Variants in KIF16B observed in about 807,000 individuals in gnomAD.
The protein encoded by KIF16B is kinesin-like protein KIF16B.
In KIF16B, 98 loss-of-function variants were observed where a neutral mutation model predicts 156.3. The ratio of observed to expected loss-of-function variants is 0.63; its 90% CI spans 0.53 to 0.74. The LOEUF (loss-of-function observed/expected upper bound fraction) is 0.74, where lower values mean the gene tolerates loss of function less well. Ranked by LOEUF, KIF16B falls within the 30% of genes least tolerant of loss-of-function variation. The pLI, the probability that KIF16B is intolerant of heterozygous loss-of-function variation, is 0.00. For synonymous variants in KIF16B, 564 were observed against 583.7 expected (o/e 0.97, Z 0.49); for missense variants, 1,421 against 1,606.5 (o/e 0.88, Z 1.97).
At chr20:16,474,458 C>T (rs74799589) in intron 12 of KIF16B, among the ~76,000 whole-genome samples, 17,146 of 152,228 alleles carry the variant, frequency 0.11, 1,191 homozygotes, top group Non-Finnish European at 0.17. Flanking sequence ...CTTTCCCTTC[C>T]TTCCTTATGA....
rs1470205433 is a variant in KIF16B at position 16,528,369 on chromosome 20, G to C, written c.117+2C>G. 6.2e-7 allele frequency: 1 copy of C among 1,612,578 alleles called. No individual in the cohort carries two copies. Among genetic ancestry groups the C allele is most frequent in the Admixed American group, 1.7e-5 (1 of 60,014 alleles). On this transcript the variant is annotated splice_donor_variant, in intron 2 of 25. Coordinates refer to ENST00000354981, the MANE Select transcript of KIF16B (RefSeq NM_024704.5). LOFTEE classifies it high-confidence loss of function. ...CTTAAGCAAGGCCAGGTCATGACTT[G>C]CCTTTAAGTTTGTGATTGTCGTTTT...
At chr20:16,491,476 G>A (rs1015637095) in intron 12 of KIF16B, among the ~76,000 whole-genome samples, 7 of 152,200 alleles carry the variant, frequency 4.6e-5, no homozygotes, top group African/African-American at 1.7e-4. Flanking sequence ...AACTGTCTAA[G>A]ACCTGCCTCA....
chr20:16,507,776 G>C (rs1246576710), intron 7 of KIF16B, among the ~76,000 whole-genome samples, 182 bp downstream of exon 7: 2 of 152,178 alleles, frequency 1.3e-5, no homozygotes, highest in Non-Finnish European at 2.9e-5. Context: ...AAATTACTGT[G>C]ATTGTAACCA....
At chr20:16,465,100 C>G (rs2067452855) in intron 12 of KIF16B, among the ~76,000 whole-genome samples, 1 of 152,198 alleles carries the variant, frequency 6.6e-6, no homozygotes, top group Admixed American at 6.5e-5. Flanking sequence ...GACTCTTACT[C>G]TCTTGCAAAG....
intron 25 of KIF16B, among the ~76,000 whole-genome samples, chr20:16,278,832 C>T (rs1300837200): frequency 6.6e-6 from 1 of 152,212 alleles, no homozygotes; most frequent in Non-Finnish European, 1.5e-5. Flanking sequence ...CAGTCAGGTC[C>T]CCTCTGCTGA....
chr20:16,565,537 C>G (rs895558141), intron 1 of KIF16B, among the ~76,000 whole-genome samples: 2 of 152,122 alleles, frequency 1.3e-5, no homozygotes, highest in South Asian at 4.2e-4. Context: ...ATCAACTTGC[C>G]CAGTCACTCG....
At chr20:16,570,963 C>G (rs2071429420) in intron 1 of KIF16B, among the ~76,000 whole-genome samples, 1 of 152,194 alleles carries the variant, frequency 6.6e-6, no homozygotes, top group East Asian at 1.9e-4. Context: ...GAGACCTAAA[C>G]CCACATTTTC....
intron 25 of KIF16B, among the ~76,000 whole-genome samples, chr20:16,279,809 C>T (rs1047255402): frequency 1.3e-5 from 2 of 152,154 alleles, no homozygotes; most frequent in Admixed American, 6.5e-5. Flanking sequence ...AACTACTAAA[C>T]ACTATCAATC....
At chr20:16,326,603 A>T (rs1388933666) in intron 24 of KIF16B, among the ~76,000 whole-genome samples, 3 of 152,160 alleles carry the variant, frequency 2.0e-5, no homozygotes, top group Non-Finnish European at 4.4e-5. Context: ...TTAAATGCAA[A>T]TCAAACCCAC....
At chr20:16,304,507 T>C (rs1482181127) in intron 25 of KIF16B, among the ~76,000 whole-genome samples, 3 of 152,146 alleles carry the variant, frequency 2.0e-5, no homozygotes, top group African/African-American at 4.8e-5. Context: ...CTGCTGATGA[T>C]AGTGGTAATG....
intron 12 of KIF16B, among the ~76,000 whole-genome samples, chr20:16,474,805 G>T (rs1214506513): frequency 6.6e-6 from 1 of 152,172 alleles, no homozygotes; most frequent in East Asian, 1.9e-4. Flanking sequence ...GTAGTTTTTG[G>T]TGAGGGAAAA....
intron 12 of KIF16B, among the ~76,000 whole-genome samples, chr20:16,483,726 A>G (rs2068041001): frequency 6.6e-6 from 1 of 152,076 alleles, no homozygotes; most frequent in African/African-American, 2.4e-5. Context: ...AAAATCATAA[A>G]TTATTGATCC....
At chr20:16,566,880 G>A (rs951107546) in intron 1 of KIF16B, among the ~76,000 whole-genome samples, 2 of 152,104 alleles carry the variant, frequency 1.3e-5, no homozygotes, top group East Asian at 1.9e-4. Context: ...ATAGGTGGCC[G>A]ACAGTTATAC....
intron 12 of KIF16B, among the ~76,000 whole-genome samples, chr20:16,434,111 G>C (rs1044865277): frequency 4.6e-5 from 7 of 152,120 alleles, no homozygotes; most frequent in African/African-American, 1.7e-4. Flanking sequence ...CGTAGCATCA[G>C]TTTATTTTAA....
At chr20:16,346,847 G>A (rs543863865) in intron 23 of KIF16B, among the ~76,000 whole-genome samples, 33 of 152,242 alleles carry the variant, frequency 2.2e-4, no homozygotes, top group Admixed American at 7.2e-4. Context: ...ACTTTAACAC[G>A]GTGGGAAATT....
At chr20:16,551,375 C>T (rs1291115709) in intron 1 of KIF16B, among the ~76,000 whole-genome samples, 2 of 152,144 alleles carry the variant, frequency 1.3e-5, no homozygotes, top group South Asian at 2.1e-4. Context: ...GGTGATCTCC[C>T]GCCTCAGCCT....
intron 22 of KIF16B, chr20:16,368,181 C>G: frequency 1.9e-6 from 2 of 1,080,344 alleles, no homozygotes; most frequent in South Asian, 6.4e-5. Flanking sequence ...GCATTTGGTC[C>G]GGGAATTGCA....
intron 15 of KIF16B, among the ~76,000 whole-genome samples, chr20:16,410,060 T>TATATGTAGGTACATATAC (rs1401923411): frequency 1.8e-5 from 2 of 111,528 alleles, no homozygotes; most frequent in African/African-American, 3.6e-5. Flanking sequence ...GGTACATATA[T>TATATGTAGGTACATATAC]ATATATGTAG....
At chr20:16,548,582 C>T (rs1185443092) in intron 1 of KIF16B, among the ~76,000 whole-genome samples, 1 of 152,184 alleles carries the variant, frequency 6.6e-6, no homozygotes, top group Non-Finnish European at 1.5e-5. Context: ...TAGGTTGCAA[C>T]CTCCTTATTA....
Sources: allele counts gnomAD v4.1 joint callset (sites outside exome capture counted in the v4.1 genomes callset), GRCh38; gene constraint gnomAD v4.1.1; transcripts MANE v1.5; gene names NCBI Gene and HGNC (gene_info 2026-07-23, HGNC 2026-07-21).